The following PSD3 variants were observed in gnomAD, a reference collection of about 807,000 sequenced individuals.
PSD3 encodes the protein PH and SEC7 domain-containing protein 3.
In PSD3, 49 loss-of-function variants were observed where a neutral mutation model predicts 105.5. The ratio of observed to expected loss-of-function variants is 0.46; its 90% CI spans 0.37 to 0.59. PSD3 has a LOEUF of 0.59. Ranked by LOEUF, PSD3 falls within the 20% of genes least tolerant of loss-of-function variation. The pLI, the probability that PSD3 is intolerant of heterozygous loss-of-function variation, is 0.00. For missense variants in PSD3, 1,561 were observed against 1,263.8 expected (o/e 1.24, Z -3.57); for synonymous variants, 557 against 457.8 (o/e 1.22, Z -2.77).
At chr8:18,882,689 A>G (rs1406037554) in intron 2 of PSD3, among the ~76,000 whole-genome samples, 1 of 152,150 alleles carries the variant, frequency 6.6e-6, no homozygotes, top group Non-Finnish European at 1.5e-5. Flanking sequence ...TATCCACAGA[A>G]GCCTATTTAC....
At chr8:18,642,305 G>T (rs1807707342) in intron 10 of PSD3, among the ~76,000 whole-genome samples, 1 of 152,064 alleles carries the variant, frequency 6.6e-6, no homozygotes, top group African/African-American at 2.4e-5. Context: ...GAGTATTCTT[G>T]ATCTGGCTAA....
rs79362052 is a variant in PSD3, at chr8:18,851,597, C to T, written c.1634+16077G>A. On this transcript the variant is annotated intron_variant, in intron 4 of 15. Coordinates refer to ENST00000327040, the MANE Select transcript of PSD3 (RefSeq NM_015310.4). ...CATGGCTGGAGCTAGACCTGTCAAG[C>T]ACATTCGGCTCTTGGTGACACAACC... Among the ~76,000 whole-genome samples, 514 of 152,370 alleles carry T rather than the reference C, an allele frequency of 3.4e-3. 5 individuals are homozygous for T. Among genetic ancestry groups the T allele is most frequent in the African/African-American group, 0.011 (469 of 41,584 alleles).
Position 18,530,178 on chromosome 8 carries a change from T to G in PSD3, c.*5565A>C, listed in dbSNP as rs1799575474. The G allele has an allele frequency of 6.6e-6, 1 of 152,640 alleles. No individual in the cohort carries two copies. The highest frequency in any genetic ancestry group is 2.4e-5 in the African/African-American group (1 of 41,454). 9.5% of individuals were successfully genotyped at this position (152,640 alleles called of 1,614,324 possible). On this transcript the variant is annotated 3_prime_UTR_variant, in exon 16 of 16. Coordinates refer to ENST00000327040, the MANE Select transcript of PSD3 (RefSeq NM_015310.4). ...ACTGCTTTAAATATACCAAACATGC[T>G]GGTTAATAAAATTTTAGTCTCTAGT...
At chr8:18,553,842 T>C (rs1483787275) in intron 15 of PSD3, among the ~76,000 whole-genome samples, 3 of 152,306 alleles carry the variant, frequency 2.0e-5, no homozygotes, top group Admixed American at 6.5e-5. Context: ...AAGTCAGCTA[T>C]CCTCGCGCCT....
At chr8:18,873,463 TTA>T (rs10647609) in intron 2 of PSD3, among the ~76,000 whole-genome samples, 1 of 151,512 alleles carries the variant, frequency 6.6e-6, no homozygotes, top group Admixed American at 6.6e-5. Flanking sequence ...TATATAAAGT[TTA>T]TATATATATA....
intron 2 of PSD3, among the ~76,000 whole-genome samples, chr8:18,926,037 G>C (rs1821339673): frequency 6.6e-6 from 1 of 151,936 alleles, no homozygotes; most frequent in Non-Finnish European, 1.5e-5. Flanking sequence ...AACTAACATA[G>C]GTATTCTGGT....
intron 1 of PSD3, among the ~76,000 whole-genome samples, chr8:19,004,572 G>A (rs1030563942): frequency 5.9e-5 from 9 of 151,996 alleles, no homozygotes; most frequent in African/African-American, 2.2e-4. Context: ...TAAAAACAAT[G>A]CTTAAAATGT....
intron 4 of PSD3, among the ~76,000 whole-genome samples, chr8:18,836,717 G>C (rs1167247465): frequency 2.0e-5 from 3 of 151,998 alleles, no homozygotes; most frequent in East Asian, 3.9e-4. Flanking sequence ...ATCATCTCTA[G>C]ATTACTGATA....
chr8:18,765,396 A>G, intron 9 of PSD3, 53 bp downstream of exon 9: 1 of 1,461,566 alleles, frequency 6.8e-7, no homozygotes, highest in Non-Finnish European at 9.6e-7. Context: ...TTAAGCTGTA[A>G]GCAGCAAACA....
At chr8:18,916,603 T>C (rs1820624982) in intron 2 of PSD3, among the ~76,000 whole-genome samples, 1 of 151,292 alleles carries the variant, frequency 6.6e-6, no homozygotes, top group South Asian at 2.1e-4. Context: ...TGAGGAGGTG[T>C]TGGTCAAATG....
chr8:18,680,735 G>C (rs1441965549), intron 9 of PSD3, among the ~76,000 whole-genome samples: 1 of 152,106 alleles, frequency 6.6e-6, no homozygotes, highest in Non-Finnish European at 1.5e-5. Context: ...GGGTTTTAAA[G>C]AAAATAACAT....
intron 1 of PSD3, among the ~76,000 whole-genome samples, chr8:19,040,689 G>A (rs1563525082): frequency 6.6e-6 from 1 of 152,186 alleles, no homozygotes; most frequent in Non-Finnish European, 1.5e-5. Flanking sequence ...AATCAGCCAG[G>A]TGAGAGATCA....
chr8:18,783,980 G>C (rs1319784585), intron 8 of PSD3, among the ~76,000 whole-genome samples: 1 of 151,978 alleles, frequency 6.6e-6, no homozygotes, highest in Admixed American at 6.6e-5. Flanking sequence ...AATTTTTTTT[G>C]GACCTATTGG....
intron 14 of PSD3, among the ~76,000 whole-genome samples, chr8:18,560,211 A>ACACACACACACACAC: frequency 7.7e-6 from 1 of 130,434 alleles, no homozygotes; most frequent in African/African-American, 3.0e-5. Context: ...CACACACACA[A>ACACACACACACACAC]ACAAAAAAAC....
rs761677076 is a variant in PSD3 at position 18,804,733 on chromosome 8, T to G, written c.1800A>C (p.Arg600Ser). 1.9e-6 allele frequency: 3 copies of G among 1,614,022 alleles called. No homozygotes were observed. The Admixed American group carries it at 5.0e-5, about 27-fold the overall frequency. Residue 600 changes from arginine to serine, a missense_variant, in exon 5 of 16, where the codon AGA (arginine) becomes AGC (serine). By Grantham distance (110) the Arg-to-Ser change is moderately radical. Transcript: ENST00000327040. Reference protein sequence around the residue: ...KRLYQLDRFKRSDVAKHLGKN... With the variant: ...KRLYQLDRFKSSDVAKHLGKN... ...TGCCAAGGTGTTTTGCAACATCTGA[T>G]CTTTTGAATCTGTCCAGCTGATAAA... is the stretch of plus-strand genomic sequence containing the variant.
At chr8:18,853,869 C>T (rs181111748) in intron 4 of PSD3, among the ~76,000 whole-genome samples, 114 of 152,264 alleles carry the variant, frequency 7.5e-4, no homozygotes, top group African/African-American at 2.7e-3. Flanking sequence ...GGAAAAATCT[C>T]ATTTTGCCCA....
intron 1 of PSD3, among the ~76,000 whole-genome samples, chr8:19,007,262 A>AACAG (rs2129475022): frequency 7.2e-6 from 1 of 138,304 alleles, no homozygotes; most frequent in East Asian, 2.2e-4. Flanking sequence ...AAAAAAAATA[A>AACAG]ATAGAGAGAG....
rs980332807 is a variant in PSD3, at chr8:18,941,883, G to A, written c.22-5741C>T. 3.3e-5 allele frequency among the ~76,000 whole-genome samples: 5 copies of A among 151,938 alleles called. No individual in the cohort carries two copies. In the South Asian group the frequency reaches 8.3e-4, roughly 25 times the overall value. On this transcript the variant is annotated intron_variant, in intron 1 of 15. Transcript: ENST00000327040. ...AGACAGGGTTTCACCATGCTGGCCAGGCTAGTCTCAAACTCCTGACCTCAG... is the reference window on the plus strand; with the variant it reads ...AGACAGGGTTTCACCATGCTGGCCAAGCTAGTCTCAAACTCCTGACCTCAG...
chr8:18,967,122 C>T (rs1824309118), intron 1 of PSD3, among the ~76,000 whole-genome samples: 1 of 151,926 alleles, frequency 6.6e-6, no homozygotes, highest in South Asian at 2.1e-4. Context: ...GACCTATCAG[C>T]ATGGAATCCC....
Sources: gnomAD v4.1 joint callset for allele counts (sites outside exome capture counted in the v4.1 genomes callset) on GRCh38, gnomAD v4.1.1 for gene constraint, MANE v1.5 for transcripts, NCBI Gene and HGNC (gene_info 2026-07-23, HGNC 2026-07-21) for gene names.